The following TNFRSF19 variants were observed in gnomAD, a reference collection of about 807,000 sequenced individuals.
The protein encoded by TNFRSF19 is TNF receptor superfamily member 19.
TNFRSF19 carries 27 observed loss-of-function variants against 46.4 expected under a neutral mutation model. The ratio of observed to expected loss-of-function variants is 0.58; its 90% CI spans 0.43 to 0.80. TNFRSF19 has a LOEUF of 0.80. Ranked by LOEUF, TNFRSF19 falls within the 30% of genes least tolerant of loss-of-function variation. TNFRSF19 has a pLI of 0.00. For missense variants in TNFRSF19, 511 were observed against 530.8 expected, an observed-to-expected ratio of 0.96 and a Z score of 0.37; for synonymous variants, 204 against 205.0, an observed-to-expected ratio of 1.00 and a Z score of 0.04.
chr13:23,614,746 C>CATATATATATATATATATATATATAG (rs59117822), intron 3 of TNFRSF19, among the ~76,000 whole-genome samples: 1 of 134,866 alleles, frequency 7.4e-6, no homozygotes, highest in Non-Finnish European at 1.6e-5. Flanking sequence ...ATAAGTAATA[C>CATATATATATATATATATATATATAG]ATATATATAT....
chr13:23,646,508 G>T (rs1281155848), intron 5 of TNFRSF19, among the ~76,000 whole-genome samples: 2 of 152,020 alleles, frequency 1.3e-5, no homozygotes, highest in African/African-American at 4.8e-5. Flanking sequence ...GCCAATTCTA[G>T]GTATCTCTTG....
At chr13:23,595,799 A>G (rs1879678690) in intron 3 of TNFRSF19, among the ~76,000 whole-genome samples, 11 of 152,164 alleles carry the variant, frequency 7.2e-5, no homozygotes, top group Admixed American at 7.2e-4. Context: ...ACCCCAAGAC[A>G]CATAATCTTC....
At chr13:23,617,771 GA>G (rs1176797054) in intron 4 of TNFRSF19, among the ~76,000 whole-genome samples, 3 of 152,204 alleles carry the variant, frequency 2.0e-5, no homozygotes, top group Non-Finnish European at 2.9e-5. Flanking sequence ...AATGTTTTAA[GA>G]AGGAAGAAAC....
intron 9 of TNFRSF19, among the ~76,000 whole-genome samples, chr13:23,670,746 A>G (rs1240312589): frequency 6.6e-6 from 1 of 152,208 alleles, no homozygotes; most frequent in Non-Finnish European, 1.5e-5. Context: ...AGAGGATGCT[A>G]GAAACAGGCG....
chr13:23,605,614 A>C (rs562636068), intron 3 of TNFRSF19, among the ~76,000 whole-genome samples: 2 of 152,168 alleles, frequency 1.3e-5, no homozygotes, highest in Non-Finnish European at 2.9e-5. Flanking sequence ...CTACAATGGA[A>C]TATTACTCTG....
intron 4 of TNFRSF19, among the ~76,000 whole-genome samples, chr13:23,617,065 G>T (rs1430536109): frequency 3.9e-5 from 6 of 152,154 alleles, no homozygotes; most frequent in Admixed American, 1.3e-4. Flanking sequence ...TATTGCAAAG[G>T]TGAGATCTGA....
intron 1 of TNFRSF19, among the ~76,000 whole-genome samples, chr13:23,575,477 T>C (rs1415131451): frequency 6.6e-6 from 1 of 152,198 alleles, no homozygotes; most frequent in Non-Finnish European, 1.5e-5. Flanking sequence ...TCACTGGGCA[T>C]TGGCCTCACG....
chr13:23,618,099 A>C (rs952535056), intron 4 of TNFRSF19, among the ~76,000 whole-genome samples: 16 of 152,318 alleles, frequency 1.1e-4, no homozygotes, highest in African/African-American at 3.8e-4. Flanking sequence ...TAGTGGGCTA[A>C]CACCAAAATA....
At chr13:23,591,269 A>G (rs985253973) in intron 2 of TNFRSF19, among the ~76,000 whole-genome samples, 4 of 152,130 alleles carry the variant, frequency 2.6e-5, no homozygotes, top group Middle Eastern at 3.2e-3. Flanking sequence ...CTTGGCCAAC[A>G]TGGTGAGACC....
intron 2 of TNFRSF19, among the ~76,000 whole-genome samples, chr13:23,591,256 C>T (rs1879262530): frequency 6.6e-6 from 1 of 152,090 alleles, no homozygotes; most frequent in Non-Finnish European, 1.5e-5. Flanking sequence ...AGTTCAATAC[C>T]AGCTTGGCCA....
intron 3 of TNFRSF19, among the ~76,000 whole-genome samples, chr13:23,602,239 G>C (rs1224004440): frequency 1.3e-5 from 2 of 152,114 alleles, no homozygotes; most frequent in Non-Finnish European, 2.9e-5. Flanking sequence ...AGACAGAGCA[G>C]ACTTCAAAGC....
intron 7 of TNFRSF19, 114 bp from the exon 8 acceptor site, chr13:23,667,866 C>A (rs1951672139): frequency 1.2e-6 from 1 of 867,014 alleles, no homozygotes; most frequent in Non-Finnish European, 1.7e-6. Flanking sequence ...CCTTTTCCCC[C>A]AAAAGTCACC....
intron 3 of TNFRSF19, among the ~76,000 whole-genome samples, chr13:23,598,888 G>C (rs1056014485): frequency 6.6e-6 from 1 of 152,148 alleles, no homozygotes; most frequent in Non-Finnish European, 1.5e-5. Context: ...TTTATTTAAA[G>C]GGACTTTTAA....
At chr13:23,587,808 A>C (rs1282553218) in intron 1 of TNFRSF19, among the ~76,000 whole-genome samples, 1 of 152,204 alleles carries the variant, frequency 6.6e-6, no homozygotes, top group Non-Finnish European at 1.5e-5. Flanking sequence ...TGTGGTAGAA[A>C]GGAGAAAAAG....
chr13:23,652,725 A>G (rs1427830746), intron 5 of TNFRSF19, among the ~76,000 whole-genome samples: 2 of 152,238 alleles, frequency 1.3e-5, no homozygotes, highest in African/African-American at 4.8e-5. Context: ...TTATTAGACA[A>G]CCAATGAACA....
chr13:23,627,461 T>G (rs1424697811), intron 5 of TNFRSF19, among the ~76,000 whole-genome samples: 3 of 152,258 alleles, frequency 2.0e-5, no homozygotes, highest in Non-Finnish European at 2.9e-5. Context: ...CCAGCATCAA[T>G]TTTGAATAGG....
chr13:23,649,813 ATTATT>A (rs1883533051), intron 5 of TNFRSF19, among the ~76,000 whole-genome samples: 2 of 152,038 alleles, frequency 1.3e-5, no homozygotes. Context: ...TGACCCATTG[ATTATT>A]TAAGAGTATA....
At chr13:23,622,411 G>T (rs1881726861) in intron 4 of TNFRSF19, among the ~76,000 whole-genome samples, 1 of 151,854 alleles carries the variant, frequency 6.6e-6, no homozygotes, top group South Asian at 2.1e-4. Context: ...TCCATCTCAA[G>T]AAATAAATAA....
chr13:23,577,772 G>C (rs148395196), intron 1 of TNFRSF19, among the ~76,000 whole-genome samples: 42 of 152,306 alleles, frequency 2.8e-4, no homozygotes, highest in African/African-American at 9.6e-4. Context: ...GCGAGGCAAG[G>C]CTGGAAATAG....
Sources: gnomAD v4.1 joint callset for allele counts (sites outside exome capture counted in the v4.1 genomes callset) on GRCh38, gnomAD v4.1.1 for gene constraint, MANE v1.5 for transcripts, NCBI Gene and HGNC (gene_info 2026-07-23, HGNC 2026-07-21) for gene names.